Variants in NELL1 observed in about 807,000 individuals in gnomAD.
NELL1 encodes the protein protein kinase C-binding protein NELL1.
Under a neutral mutation model 107.4 loss-of-function variants are expected in NELL1, and 76 were observed. The ratio of observed to expected loss-of-function variants is 0.71; its 90% CI spans 0.59 to 0.86. NELL1 has a LOEUF of 0.86. Among genes scored for constraint, NELL1 ranks in the 40% least tolerant of loss-of-function variants. The pLI is 0.00. For synonymous variants in NELL1, 353 were observed against 341.2 expected (o/e 1.03, Z -0.38); for missense variants, 1,024 against 1,005.5 (o/e 1.02, Z -0.25).
intron 14 of NELL1, among the ~76,000 whole-genome samples, chr11:21,248,172 C>G (rs1416320953): frequency 6.6e-6 from 1 of 152,014 alleles, no homozygotes; most frequent in Non-Finnish European, 1.5e-5. Context: ...TGACAAAACT[C>G]CATCTCTACC....
intron 12 of NELL1, among the ~76,000 whole-genome samples, chr11:21,051,305 G>A (rs78044707): frequency 6.6e-6 from 1 of 152,216 alleles, no homozygotes; most frequent in African/African-American, 2.4e-5. Context: ...AACACTATAT[G>A]TTCTCACTTG....
At chr11:21,045,676 T>C (rs1229660564) in intron 12 of NELL1, among the ~76,000 whole-genome samples, 4 of 152,172 alleles carry the variant, frequency 2.6e-5, no homozygotes, top group Non-Finnish European at 5.9e-5. Context: ...ATTTCTTACC[T>C]TTGCTAAATT....
At chr11:20,670,280 G>A (rs1443510675) in intron 1 of NELL1, 4 of 159,154 alleles carry the variant, frequency 2.5e-5, no homozygotes, top group African/African-American at 9.6e-5. Flanking sequence ...AGAGCTGCGG[G>A]AGAACCCTGG....
chr11:21,544,881 T>C (rs1856395360), intron 16 of NELL1, among the ~76,000 whole-genome samples: 1 of 151,934 alleles, frequency 6.6e-6, no homozygotes, highest in South Asian at 2.1e-4. Flanking sequence ...CTGTTTCAGA[T>C]GAGGTTTTTT....
chr11:21,531,940 A>T (rs1453040016), intron 15 of NELL1, among the ~76,000 whole-genome samples: 2 of 152,170 alleles, frequency 1.3e-5, no homozygotes, highest in East Asian at 3.9e-4. Context: ...TACTACTGTG[A>T]CTACCTACAC....
chr11:21,495,037 A>G (rs1436701323), intron 15 of NELL1, among the ~76,000 whole-genome samples: 5 of 152,080 alleles, frequency 3.3e-5, no homozygotes, highest in Non-Finnish European at 2.9e-5. Flanking sequence ...CATACATTTA[A>G]CCCATGTAAA....
At chr11:20,700,557 A>G (rs1324568487) in intron 2 of NELL1, among the ~76,000 whole-genome samples, 5 of 152,048 alleles carry the variant, frequency 3.3e-5, no homozygotes, top group Admixed American at 6.6e-5. Context: ...TGTGCACAAC[A>G]TGCAGGTTTG....
intron 2 of NELL1, among the ~76,000 whole-genome samples, chr11:20,749,393 G>A (rs1447142227): frequency 6.6e-6 from 1 of 151,982 alleles, no homozygotes; most frequent in East Asian, 1.9e-4. Flanking sequence ...GAGCCCAGGA[G>A]TTCAAGACAA....
intron 2 of NELL1, among the ~76,000 whole-genome samples, chr11:20,735,281 G>T (rs1855735170): frequency 6.6e-6 from 1 of 152,094 alleles, no homozygotes; most frequent in Admixed American, 6.6e-5. Context: ...CTACTATAAA[G>T]AACTACCCAA....
intron 11 of NELL1, among the ~76,000 whole-genome samples, chr11:20,950,570 A>G (rs540765423): frequency 1.3e-5 from 2 of 152,368 alleles, no homozygotes; most frequent in Non-Finnish European, 2.9e-5. Context: ...TGAAAAGCCC[A>G]GTGGACTTCT....
chr11:21,300,974 C>A (rs1247258894), intron 14 of NELL1, among the ~76,000 whole-genome samples: 1 of 152,070 alleles, frequency 6.6e-6, no homozygotes, highest in Admixed American at 6.6e-5. Context: ...CAATTCCCAC[C>A]TATGAGTGAG....
At chr11:21,189,428 G>T (rs1857003091) in intron 13 of NELL1, among the ~76,000 whole-genome samples, 1 of 151,628 alleles carries the variant, frequency 6.6e-6, no homozygotes, top group African/African-American at 2.4e-5. Context: ...ACATATCTTT[G>T]TTCATTTAAG....
At chr11:20,885,318 A>T (rs531206363) in intron 4 of NELL1, 126 bp from the exon 5 acceptor site, 1 of 655,168 alleles carries the variant, frequency 1.5e-6, no homozygotes, top group Admixed American at 2.3e-5. Context: ...TCTGTCATGT[A>T]AAGTGTGCCA....
intron 2 of NELL1, among the ~76,000 whole-genome samples, chr11:20,724,311 T>A (rs1855460578): frequency 6.6e-6 from 1 of 152,260 alleles, no homozygotes; most frequent in African/African-American, 2.4e-5. Context: ...ATGGTCAGGC[T>A]GCAAATTTTC....
intron 13 of NELL1, among the ~76,000 whole-genome samples, chr11:21,211,754 G>C (rs112937591): frequency 0.013 from 1,997 of 152,244 alleles, 21 homozygotes; most frequent in Non-Finnish European, 0.022. Flanking sequence ...GATTACAAGA[G>C]ATTAAGGGAG....
At chr11:21,417,158 G>A (rs537634739) in intron 15 of NELL1, among the ~76,000 whole-genome samples, 31 of 152,132 alleles carry the variant, frequency 2.0e-4, no homozygotes, top group South Asian at 1.0e-3. Context: ...TGTGTTATCC[G>A]AGTGTTTGCT....
At chr11:21,008,840 A>C (rs1269503002) in intron 12 of NELL1, among the ~76,000 whole-genome samples, 1 of 152,122 alleles carries the variant, frequency 6.6e-6, no homozygotes, top group Non-Finnish European at 1.5e-5. Context: ...TAATTTAACA[A>C]AAGTAATTTA....
chr11:20,737,328 A>G (rs1179025242), intron 2 of NELL1, among the ~76,000 whole-genome samples: 21 of 152,112 alleles, frequency 1.4e-4, no homozygotes. Context: ...CTGTTTTCAG[A>G]TATATCTGAG....
intron 12 of NELL1, among the ~76,000 whole-genome samples, chr11:21,049,557 A>T (rs756761761): frequency 2.0e-5 from 3 of 152,146 alleles, no homozygotes; most frequent in Non-Finnish European, 4.4e-5. Context: ...CCAAGATGAG[A>T]ACTAGATTGC....
Sources: gnomAD v4.1 joint callset for allele counts (sites outside exome capture counted in the v4.1 genomes callset) on GRCh38, gnomAD v4.1.1 for gene constraint, MANE v1.5 for transcripts, NCBI Gene and HGNC (gene_info 2026-07-23, HGNC 2026-07-21) for gene names.